The following TBC1D22A variants were observed in gnomAD, a reference collection of about 807,000 sequenced individuals.
The protein encoded by TBC1D22A is TBC1 domain family member 22A.
TBC1D22A carries 38 observed loss-of-function variants against 60.2 expected under a neutral mutation model. The ratio of observed to expected loss-of-function variants is 0.63; its 90% CI spans 0.49 to 0.83. The LOEUF (loss-of-function observed/expected upper bound fraction) is 0.83. Among genes scored for constraint, TBC1D22A ranks in the 40% least tolerant of loss-of-function variants. The probability of loss-of-function intolerance (pLI) is 0.00; values close to 1 mark genes in which losing one functional copy is unlikely to be tolerated. For synonymous variants in TBC1D22A, 302 were observed against 281.7 expected, an observed-to-expected ratio of 1.07 and a Z score of -0.72; for missense variants, 628 against 701.0, an observed-to-expected ratio of 0.90 and a Z score of 1.18.
chr22:46,768,421 G>A (rs186843657), intron 1 of TBC1D22A, among the ~76,000 whole-genome samples: 7 of 148,950 alleles, frequency 4.7e-5, no homozygotes, highest in Admixed American at 4.1e-4. Flanking sequence ...GGAGGCAGAG[G>A]TTGCAGTGAG....
At chr22:46,817,900 C>T (rs970117479) in intron 4 of TBC1D22A, among the ~76,000 whole-genome samples, 4 of 152,176 alleles carry the variant, frequency 2.6e-5, no homozygotes, top group East Asian at 1.9e-4. Context: ...CCCATTTCTC[C>T]GTAGCCTCAC....
At chr22:47,026,420 A>G (rs749891786) in intron 10 of TBC1D22A, among the ~76,000 whole-genome samples, 34 of 152,320 alleles carry the variant, frequency 2.2e-4, no homozygotes, top group Non-Finnish European at 3.5e-4. Context: ...ATTCGTACAT[A>G]CATAGAAATG....
At chr22:46,961,700 C>T (rs1330694714) in intron 8 of TBC1D22A, among the ~76,000 whole-genome samples, 2 of 152,184 alleles carry the variant, frequency 1.3e-5, no homozygotes, top group African/African-American at 4.8e-5. Flanking sequence ...ACTTTCCATT[C>T]AGTAGCCGTT....
At chr22:46,921,479 C>T (rs187752442) in intron 8 of TBC1D22A, among the ~76,000 whole-genome samples, 1 of 152,278 alleles carries the variant, frequency 6.6e-6, no homozygotes, top group Non-Finnish European at 1.5e-5. Context: ...TTTCTTTATC[C>T]AGTCCACCAT....
At chr22:47,037,029 G>T in intron 10 of TBC1D22A, 42 bp from the exon 11 acceptor site, 17 of 1,610,746 alleles carry the variant, frequency 1.1e-5, no homozygotes, top group Non-Finnish European at 1.4e-5. Context: ...GCCTCCATAG[G>T]GCTCCCCTGA....
At chr22:47,088,191 T>G (rs1216168945) in intron 11 of TBC1D22A, among the ~76,000 whole-genome samples, 1 of 152,210 alleles carries the variant, frequency 6.6e-6, no homozygotes, top group African/African-American at 2.4e-5. Context: ...TGAAAATTAT[T>G]GGACCCAGTT....
chr22:47,069,697 C>T (rs199748754), intron 11 of TBC1D22A, among the ~76,000 whole-genome samples: 1 of 134,698 alleles, frequency 7.4e-6, no homozygotes, highest in East Asian at 2.3e-4. Flanking sequence ...TTGGTTGGAG[C>T]GGGGCTGACC....
intron 7 of TBC1D22A, among the ~76,000 whole-genome samples, chr22:46,904,138 T>TGC (rs2069242058): frequency 3.6e-5 from 2 of 55,262 alleles, no homozygotes; most frequent in Non-Finnish European, 8.4e-5. Flanking sequence ...TATCTATCTA[T>TGC]CTATCTACCT....
At chr22:46,783,007 T>C (rs1419580309) in intron 1 of TBC1D22A, among the ~76,000 whole-genome samples, 1 of 152,228 alleles carries the variant, frequency 6.6e-6, no homozygotes, top group Admixed American at 6.5e-5. Flanking sequence ...TAACTCCATG[T>C]AACCTTCTGA....
intron 1 of TBC1D22A, chr22:46,774,139 T>A: frequency 1.0e-6 from 1 of 985,688 alleles, no homozygotes. Context: ...CTGCCTGCCC[T>A]TGGAGCCCTG....
intron 11 of TBC1D22A, among the ~76,000 whole-genome samples, chr22:47,039,030 A>G (rs564063609): frequency 7.9e-5 from 12 of 152,350 alleles, no homozygotes; most frequent in African/African-American, 2.4e-4. Flanking sequence ...CTCATTAAAC[A>G]CAGTTCCTTG....
At chr22:46,938,826 TC>T (rs1171999496) in intron 8 of TBC1D22A, among the ~76,000 whole-genome samples, 1 of 152,024 alleles carries the variant, frequency 6.6e-6, no homozygotes, top group African/African-American at 2.4e-5. Flanking sequence ...CCTGAGGTGA[TC>T]CCCCTGCCTC....
chr22:47,109,302 G>A (rs2065757727), intron 11 of TBC1D22A, among the ~76,000 whole-genome samples: 2 of 152,132 alleles, frequency 1.3e-5, no homozygotes, highest in African/African-American at 4.8e-5. Flanking sequence ...GAGTTTTGAA[G>A]CATACCTGTC....
chr22:47,149,203 C>T (rs955103623), intron 12 of TBC1D22A, among the ~76,000 whole-genome samples: 2 of 152,112 alleles, frequency 1.3e-5, no homozygotes, highest in African/African-American at 2.4e-5. Context: ...CAGATGTGTC[C>T]GTGACATGTC....
chr22:47,087,660 A>G (rs953797706), intron 11 of TBC1D22A, among the ~76,000 whole-genome samples: 1 of 152,250 alleles, frequency 6.6e-6, no homozygotes, highest in Non-Finnish European at 1.5e-5. Context: ...ATCTATTAAG[A>G]CAAAGCAGAT....
chr22:47,073,422 A>G (rs553538513), intron 11 of TBC1D22A, among the ~76,000 whole-genome samples: 3 of 152,314 alleles, frequency 2.0e-5, no homozygotes, highest in African/African-American at 7.2e-5. Context: ...GAACCCCACA[A>G]TTGATATCAG....
rs142414556 is a variant in TBC1D22A, at chr22:47,004,760, A to G, written c.1201+7051A>G. On this transcript the variant is annotated intron_variant, in intron 10 of 12. Transcript: ENST00000337137. ...TACACACACCTACATACACATCTCT[A>G]TATACACACTCAGATGCCTATATAC... 5.6e-5 allele frequency among the ~76,000 whole-genome samples: 8 copies of G among 141,762 alleles called. 1 individual carries two copies. The highest frequency in any genetic ancestry group is 1.8e-4 in the African/African-American group (6 of 32,948). 93.0% of individuals were successfully genotyped at this position (141,762 alleles called of 152,430 possible).
At chr22:46,954,614 C>T (rs886153668) in intron 8 of TBC1D22A, among the ~76,000 whole-genome samples, 8 of 152,248 alleles carry the variant, frequency 5.3e-5, no homozygotes, top group South Asian at 2.1e-4. Flanking sequence ...GAGCTGAGGA[C>T]GCCGAGCTGA....
At chr22:46,913,659 A>C in intron 8 of TBC1D22A, 2 of 985,438 alleles carry the variant, frequency 2.0e-6, no homozygotes, top group Non-Finnish European at 2.4e-6. Context: ...ATCCTAGAAC[A>C]GTAGGACCTC....
Sources: gnomAD v4.1 joint callset for allele counts (sites outside exome capture counted in the v4.1 genomes callset) on GRCh38, gnomAD v4.1.1 for gene constraint, MANE v1.5 for transcripts, NCBI Gene and HGNC (gene_info 2026-07-23, HGNC 2026-07-21) for gene names.